TOMM20: variants seen among roughly 807,000 people sequenced by gnomAD.
The protein encoded by TOMM20 is translocase of outer mitochondrial membrane 20.
TOMM20 carries 10 observed loss-of-function variants against 22.1 expected under a neutral mutation model. That is an observed-to-expected ratio of 0.45 (90% confidence interval 0.28 to 0.77). The LOEUF (loss-of-function observed/expected upper bound fraction) is 0.77. TOMM20 is among the 30% of genes least tolerant of loss of function. The pLI, the probability that TOMM20 is intolerant of heterozygous loss-of-function variation, is 0.13. For synonymous variants in TOMM20, 55 were observed against 61.4 expected, an observed-to-expected ratio of 0.90 and a Z score of 0.49; for missense variants, 121 against 172.2, an observed-to-expected ratio of 0.70 and a Z score of 1.66.
intron 1 of TOMM20, among the ~76,000 whole-genome samples, chr1:235,126,076 TAG>T (rs967228709): frequency 1.6e-4 from 24 of 148,658 alleles, no homozygotes; most frequent in Non-Finnish European, 2.7e-4. Context: ...ATTAGATAGA[TAG>T]ATAGATAGAT....
intron 1 of TOMM20, chr1:235,127,705 T>A: frequency 5.7e-6 from 2 of 351,268 alleles, no homozygotes; most frequent in South Asian, 4.6e-5. Flanking sequence ...TTGCAACAAA[T>A]TTGCTCTTCA....
chr1:235,125,276 G>A (rs1572131903), intron 1 of TOMM20, among the ~76,000 whole-genome samples: 1 of 152,228 alleles, frequency 6.6e-6, no homozygotes, highest in Non-Finnish European at 1.5e-5. Flanking sequence ...GTGCAGCAGC[G>A]TCATCTCGGC....
At chr1:235,115,021 C>T (rs557044449) in intron 3 of TOMM20, among the ~76,000 whole-genome samples, 1 of 152,130 alleles carries the variant, frequency 6.6e-6, no homozygotes, top group African/African-American at 2.4e-5. Flanking sequence ...AGGTGTGCAC[C>T]ACCACACCGG....
At chr1:235,128,259 T>C (rs7549313) in intron 1 of TOMM20, among the ~76,000 whole-genome samples, 24,663 of 152,262 alleles carry the variant, frequency 0.16, 2,227 homozygotes, top group Middle Eastern at 0.23. Context: ...CACGACTTTT[T>C]AGTTAAGAGT....
intron 1 of TOMM20, among the ~76,000 whole-genome samples, chr1:235,126,893 G>A (rs761666479): frequency 1.3e-5 from 2 of 152,148 alleles, no homozygotes; most frequent in African/African-American, 2.4e-5. Context: ...TTACAAAAAG[G>A]GAAAACTAAA....
chr1:235,115,968 GA>G (rs1158361830), intron 3 of TOMM20, among the ~76,000 whole-genome samples: 2 of 152,186 alleles, frequency 1.3e-5, no homozygotes, highest in Non-Finnish European at 2.9e-5. Flanking sequence ...TGTGGCTCGG[GA>G]AACCAGTGCA....
chr1:235,128,092 T>A (rs944291867), intron 1 of TOMM20, among the ~76,000 whole-genome samples: 3 of 152,044 alleles, frequency 2.0e-5, no homozygotes, highest in African/African-American at 7.3e-5. Context: ...GAGAAGCGCT[T>A]GAACTCGGGA....
chr1:235,114,719 G>T (rs1295267910), intron 3 of TOMM20, among the ~76,000 whole-genome samples: 1 of 151,842 alleles, frequency 6.6e-6, no homozygotes, highest in Non-Finnish European at 1.5e-5. Flanking sequence ...TTACAGGTGT[G>T]AGCCACCACG....
At chr1:235,117,343 A>G (rs1322199629) in intron 3 of TOMM20, among the ~76,000 whole-genome samples, 1 of 151,076 alleles carries the variant, frequency 6.6e-6, no homozygotes, top group Non-Finnish European at 1.5e-5. Flanking sequence ...CTATAATCCC[A>G]GCTACTCATG....
At chr1:235,117,134 C>CA (rs869235889) in intron 3 of TOMM20, among the ~76,000 whole-genome samples, 402 of 30,370 alleles carry the variant, frequency 0.013, 43 homozygotes, top group East Asian at 0.04. Flanking sequence ...GACTCCATCT[C>CA]AAAAAAAAAA....
chr1:235,115,325 G>T (rs527768264), intron 3 of TOMM20, among the ~76,000 whole-genome samples: 1 of 152,136 alleles, frequency 6.6e-6, no homozygotes, highest in African/African-American at 2.4e-5. Flanking sequence ...AACTCCATTA[G>T]ATATACTTTT....
chr1:235,114,054 A>G, intron 3 of TOMM20, 144 bp from the exon 4 acceptor site: 13 of 816,894 alleles, frequency 1.6e-5, no homozygotes, highest in South Asian at 2.1e-5. Flanking sequence ...CATTCATATA[A>G]CTATTATGAA....
At chr1:235,118,536 A>G (rs1660874139) in intron 3 of TOMM20, among the ~76,000 whole-genome samples, 1 of 152,170 alleles carries the variant, frequency 6.6e-6, no homozygotes, top group Non-Finnish European at 1.5e-5. Flanking sequence ...TTATGTATAT[A>G]GTTTTTAAGA....
chr1:235,119,335 T>A (rs1660891225), intron 3 of TOMM20: 1 of 152,416 alleles, frequency 6.6e-6, no homozygotes, highest in Admixed American at 6.5e-5. Context: ...GGTCATGAAC[T>A]CACCGTGTGA....
At chr1:235,128,449 G>T in intron 1 of TOMM20, 146 bp downstream of exon 1, 1 of 1,300,966 alleles carries the variant, frequency 7.7e-7, no homozygotes, top group Non-Finnish European at 1.1e-6. Flanking sequence ...CCCCCGGAGC[G>T]GCGCAGCCAG....
intron 1 of TOMM20, 146 bp downstream of exon 1, chr1:235,128,449 G>C (rs182821704): frequency 4.6e-6 from 6 of 1,300,852 alleles, no homozygotes; most frequent in Middle Eastern, 2.7e-4. Context: ...CCCCCGGAGC[G>C]GCGCAGCCAG....
At chr1:235,124,304 G>A (rs951506452) in intron 1 of TOMM20, among the ~76,000 whole-genome samples, 6 of 152,218 alleles carry the variant, frequency 3.9e-5, no homozygotes, top group South Asian at 4.1e-4. Flanking sequence ...CTGAGATAGC[G>A]CCACTGCGCT....
chr1:235,110,999 G>A lies in TOMM20; in HGVS notation c.*1065C>T, dbSNP rs1462880527. On this transcript the variant is annotated 3_prime_UTR_variant, in exon 5 of 5. Coordinates refer to ENST00000366607, the MANE Select transcript of TOMM20 (RefSeq NM_014765.3). ...TCACAAGATAATCAAGTTGAAGCAGGATTAAGGAGGTACACTGAAGATAAA... is the reference window on the plus strand; with the variant it reads ...TCACAAGATAATCAAGTTGAAGCAGAATTAAGGAGGTACACTGAAGATAAA... The A allele has an allele frequency of 6.6e-6, 1 of 152,166 alleles. No homozygotes were observed. The highest frequency in any genetic ancestry group is 1.5e-5 in the Non-Finnish European group (1 of 68,036). 9.4% of individuals were successfully genotyped at this position (152,166 alleles called of 1,614,324 possible). A position where few individuals can be genotyped will look rare whatever the true frequency, so the allele number is the denominator to read the frequency against.
intron 1 of TOMM20, among the ~76,000 whole-genome samples, chr1:235,125,275 C>T (rs1295200916): frequency 6.6e-6 from 1 of 152,138 alleles, no homozygotes; most frequent in Non-Finnish European, 1.5e-5. Flanking sequence ...AGTGCAGCAG[C>T]GTCATCTCGG....
Sources: allele counts gnomAD v4.1 joint callset (sites outside exome capture counted in the v4.1 genomes callset), GRCh38; gene constraint gnomAD v4.1.1; transcripts MANE v1.5; gene names NCBI Gene and HGNC (gene_info 2026-07-23, HGNC 2026-07-21).